TMEM132B: variants seen among roughly 807,000 people sequenced by gnomAD.
The protein encoded by TMEM132B is transmembrane protein 132B.
In TMEM132B, 18 loss-of-function variants were observed where a neutral mutation model predicts 90.8. The ratio of observed to expected loss-of-function variants is 0.20; its 90% CI spans 0.14 to 0.29. The LOEUF (loss-of-function observed/expected upper bound fraction) is 0.29, where lower values mean the gene tolerates loss of function less well. Among genes scored for constraint, TMEM132B ranks in the 10% least tolerant of loss-of-function variants. The pLI is 1.00. For missense variants in TMEM132B, 1,096 were observed against 1,326.8 expected (o/e 0.83, Z 2.70); for synonymous variants, 504 against 523.3 (o/e 0.96, Z 0.50).
intron 1 of TMEM132B, among the ~76,000 whole-genome samples, chr12:125,320,507 T>C (rs1876399782): frequency 6.6e-6 from 1 of 152,318 alleles, no homozygotes; most frequent in Non-Finnish European, 1.5e-5. Flanking sequence ...CCTGTTGCGC[T>C]GGAGAGGACA....
chr12:125,307,755 C>T (rs58920408), intron 1 of TMEM132B, among the ~76,000 whole-genome samples: 3 of 8,050 alleles, frequency 3.7e-4, no homozygotes, highest in South Asian at 4.6e-3. Flanking sequence ...AGTATATATA[C>T]TTATATTGCA....
At chr12:125,302,108 G>A (rs1875842989) in intron 1 of TMEM132B, among the ~76,000 whole-genome samples, 1 of 152,132 alleles carries the variant, frequency 6.6e-6, no homozygotes, top group South Asian at 2.1e-4. Context: ...GCTGAGGCAA[G>A]AGAATTGCTT....
chr12:125,372,490 T>A (rs1878327265), intron 2 of TMEM132B, among the ~76,000 whole-genome samples: 1 of 152,214 alleles, frequency 6.6e-6, no homozygotes, highest in Non-Finnish European at 1.5e-5. Flanking sequence ...TATGCCCTAT[T>A]GGGTTTAGCC....
chr12:125,561,942 C>T (rs979763481), intron 4 of TMEM132B, among the ~76,000 whole-genome samples: 8 of 152,136 alleles, frequency 5.3e-5, no homozygotes, highest in African/African-American at 1.7e-4. Flanking sequence ...TCCTGTGAAG[C>T]TTTGAAGCCA....
intron 5 of TMEM132B, among the ~76,000 whole-genome samples, chr12:125,610,767 A>G (rs1327500518): frequency 6.6e-6 from 1 of 152,124 alleles, no homozygotes; most frequent in African/African-American, 2.4e-5. Context: ...ATATGAAGCT[A>G]TATATAGTTG....
chr12:125,526,900 C>T (rs547771586), intron 4 of TMEM132B, among the ~76,000 whole-genome samples: 117 of 152,018 alleles, frequency 7.7e-4, no homozygotes, highest in African/African-American at 2.8e-3. Context: ...TCCATCTACC[C>T]ATCCACCCTT....
intron 1 of TMEM132B, among the ~76,000 whole-genome samples, chr12:125,340,497 G>A (rs1385537049): frequency 6.6e-6 from 1 of 152,000 alleles, no homozygotes; most frequent in African/African-American, 2.4e-5. Flanking sequence ...TTTGATCCTG[G>A]GATATGGAGG....
chr12:125,537,882 C>G (rs1239873660), intron 4 of TMEM132B, among the ~76,000 whole-genome samples: 2 of 152,136 alleles, frequency 1.3e-5, no homozygotes, highest in African/African-American at 2.4e-5. Context: ...CCTCAGTGTC[C>G]CCACTTGCAA....
intron 3 of TMEM132B, among the ~76,000 whole-genome samples, chr12:125,494,579 T>TC (rs1592954443): frequency 2.6e-5 from 2 of 76,128 alleles, no homozygotes; most frequent in Admixed American, 1.4e-4. Flanking sequence ...AATGGATGCG[T>TC]CCCTCCTCCC....
At chr12:125,516,424 A>G (rs1023772449) in intron 3 of TMEM132B, among the ~76,000 whole-genome samples, 3 of 152,258 alleles carry the variant, frequency 2.0e-5, no homozygotes, top group Non-Finnish European at 4.4e-5. Context: ...ATTGCCTAAA[A>G]GTATAAGACC....
intron 1 of TMEM132B, among the ~76,000 whole-genome samples, chr12:125,321,729 T>G (rs769735542): frequency 9.2e-5 from 14 of 152,118 alleles, no homozygotes; most frequent in Non-Finnish European, 1.6e-4. Context: ...CCACCCACCT[T>G]GGCCTCTCAA....
chr12:125,270,733 C>G (rs1874816749), intron 1 of TMEM132B, among the ~76,000 whole-genome samples: 1 of 127,638 alleles, frequency 7.8e-6, no homozygotes, highest in Non-Finnish European at 1.6e-5. Flanking sequence ...TGTTGAATCC[C>G]TTGCACTCAT....
intron 3 of TMEM132B, among the ~76,000 whole-genome samples, chr12:125,425,107 A>T (rs1000456250): frequency 5.9e-5 from 9 of 152,214 alleles, no homozygotes; most frequent in Non-Finnish European, 1.0e-4. Flanking sequence ...GTCAGGGCTC[A>T]GAGGTGCCTG....
intron 3 of TMEM132B, among the ~76,000 whole-genome samples, chr12:125,466,217 A>G (rs1471931715): frequency 6.6e-6 from 1 of 152,192 alleles, no homozygotes; most frequent in Non-Finnish European, 1.5e-5. Flanking sequence ...CCACAGTAGC[A>G]GGACCACTTC....
chr12:125,309,037 A>G (rs563156207), intron 1 of TMEM132B, among the ~76,000 whole-genome samples: 1 of 152,206 alleles, frequency 6.6e-6, no homozygotes, highest in African/African-American at 2.4e-5. Context: ...ACTTACCTCA[A>G]TCTTTTTACC....
At chr12:125,471,161 C>T (rs1268241435) in intron 3 of TMEM132B, among the ~76,000 whole-genome samples, 1 of 152,264 alleles carries the variant, frequency 6.6e-6, no homozygotes, top group African/African-American at 2.4e-5. Context: ...GCATTCACTT[C>T]AGGGGATTTG....
At chr12:125,601,760 A>G (rs1465187019) in intron 5 of TMEM132B, among the ~76,000 whole-genome samples, 1 of 151,534 alleles carries the variant, frequency 6.6e-6, no homozygotes, top group African/African-American at 2.4e-5. Flanking sequence ...AATAGACACA[A>G]TAAAAAATGA....
In TMEM132B at chr12:125,555,713, TAAA is replaced by T. The variant is rs57444725; in HGVS notation, c.1294-28131_1294-28129del. Among the ~76,000 whole-genome samples the T allele has an allele frequency of 7.4e-5, 11 of 149,290 alleles. No individual in the cohort carries two copies. The East Asian group carries it at 1.8e-3, about 24-fold the overall frequency. On this transcript the variant is annotated intron_variant, in intron 4 of 8. Coordinates refer to ENST00000682704, the MANE Select transcript of TMEM132B (RefSeq NM_001366854.1). ...ATGTACCCTAGAACTTAAAGTATAG[TAAA>T]AAAAAATATATATATATATAAAAAG...
intron 3 of TMEM132B, among the ~76,000 whole-genome samples, chr12:125,504,172 T>C (rs1276492071): frequency 6.6e-6 from 1 of 152,194 alleles, no homozygotes; most frequent in East Asian, 1.9e-4. Flanking sequence ...ACTTTCTGCT[T>C]AGCTGACATT....
Sources: allele counts gnomAD v4.1 joint callset (sites outside exome capture counted in the v4.1 genomes callset), GRCh38; gene constraint gnomAD v4.1.1; transcripts MANE v1.5; gene names NCBI Gene and HGNC (gene_info 2026-07-23, HGNC 2026-07-21).